HCN1: variants seen among roughly 807,000 people sequenced by gnomAD.
HCN1 encodes hyperpolarization activated cyclic nucleotide gated potassium channel 1.
In HCN1, 13 loss-of-function variants were observed where a neutral mutation model predicts 78.9. That is an observed-to-expected ratio of 0.16 (90% CI 0.11 to 0.26). HCN1 has a LOEUF of 0.26. Among genes scored for constraint, HCN1 ranks in the 10% least tolerant of loss-of-function variants. The probability of loss-of-function intolerance (pLI) is 1.00; values close to 1 mark genes in which losing one functional copy is unlikely to be tolerated. For missense variants in HCN1, 810 were observed against 1,154.3 expected (o/e 0.70, Z 4.32); for synonymous variants, 552 against 455.5 (o/e 1.21, Z -2.70).
At chr5:45,285,337 G>T (rs1422728384) in intron 6 of HCN1, among the ~76,000 whole-genome samples, 1 of 151,804 alleles carries the variant, frequency 6.6e-6, no homozygotes, top group African/African-American at 2.4e-5. Context: ...TTTCTAAAAT[G>T]TTATTCTCTG....
chr5:45,376,150 TAA>T (rs1747650191), intron 4 of HCN1, among the ~76,000 whole-genome samples: 1 of 103,184 alleles, frequency 9.7e-6, no homozygotes, highest in South Asian at 2.9e-4. Flanking sequence ...ATATTATATA[TAA>T]TATAATATTT....
intron 5 of HCN1, among the ~76,000 whole-genome samples, chr5:45,307,355 G>A (rs1196401258): frequency 6.6e-6 from 1 of 152,120 alleles, no homozygotes; most frequent in Non-Finnish European, 1.5e-5. Context: ...TGAGCATTGA[G>A]CATGGGGACT....
chr5:45,573,436 T>C lies in HCN1; in HGVS notation c.849+71749A>G, dbSNP rs73103056. Among the ~76,000 whole-genome samples, 1,293 of 151,908 alleles carry C rather than the reference T, an allele frequency of 8.5e-3. 23 individuals are homozygous for C. Among genetic ancestry groups the C allele is most frequent in the African/African-American group, 0.031 (1,266 of 41,402 alleles). On this transcript the variant is annotated intron_variant, in intron 2 of 7. Transcript: ENST00000303230. ...TACAGCTGTGAATTCACTTCATTTATTTATTTTCCTGAGGAGGGTTTTCCA... is the reference window on the plus strand; with the variant it reads ...TACAGCTGTGAATTCACTTCATTTACTTATTTTCCTGAGGAGGGTTTTCCA...
intron 2 of HCN1, among the ~76,000 whole-genome samples, chr5:45,553,292 T>C (rs1743407096): frequency 6.6e-6 from 1 of 151,806 alleles, no homozygotes; most frequent in South Asian, 2.1e-4. Context: ...TACCGTCCCC[T>C]AGATTGGCTA....
At chr5:45,273,030 G>C (rs555604004) in intron 6 of HCN1, among the ~76,000 whole-genome samples, 22 of 152,120 alleles carry the variant, frequency 1.4e-4, no homozygotes, top group Non-Finnish European at 2.9e-5. Context: ...TGTAATAACT[G>C]TTTTAAGAAT....
chr5:45,505,373 G>T (rs1056461999), intron 2 of HCN1, among the ~76,000 whole-genome samples: 7 of 152,082 alleles, frequency 4.6e-5, no homozygotes, highest in Non-Finnish European at 8.8e-5. Flanking sequence ...TTTCCCCATT[G>T]CTTGTTTTTC....
chr5:45,569,387 G>A (rs1318879576), intron 2 of HCN1, among the ~76,000 whole-genome samples: 1 of 152,072 alleles, frequency 6.6e-6, no homozygotes, highest in Non-Finnish European at 1.5e-5. Context: ...TTTTACCCAT[G>A]TAGAAAGATT....
At chr5:45,328,559 A>T (rs956214237) in intron 5 of HCN1, among the ~76,000 whole-genome samples, 2 of 151,610 alleles carry the variant, frequency 1.3e-5, no homozygotes, top group African/African-American at 2.4e-5. Flanking sequence ...ATACAGCAAC[A>T]GTTTACCTGA....
chr5:45,509,338 A>G (rs1742364233), intron 2 of HCN1, among the ~76,000 whole-genome samples: 1 of 152,100 alleles, frequency 6.6e-6, no homozygotes, highest in African/African-American at 2.4e-5. Context: ...AGTAGATGAT[A>G]TGTCTTTATA....
intron 3 of HCN1, among the ~76,000 whole-genome samples, chr5:45,425,119 T>A (rs1468713613): frequency 6.6e-6 from 1 of 152,198 alleles, no homozygotes; most frequent in East Asian, 1.9e-4. Flanking sequence ...TGGTTTGTAC[T>A]TTTTCTTGCC....
At chr5:45,609,575 A>G (rs1744792592) in intron 2 of HCN1, among the ~76,000 whole-genome samples, 1 of 152,072 alleles carries the variant, frequency 6.6e-6, no homozygotes, top group Admixed American at 6.6e-5. Flanking sequence ...TGACCATAAA[A>G]CCTTAAAAAG....
At chr5:45,373,174 AAT>A (rs1430754052) in intron 4 of HCN1, among the ~76,000 whole-genome samples, 1 of 124,192 alleles carries the variant, frequency 8.1e-6, no homozygotes, top group African/African-American at 3.1e-5. Context: ...TACTTTATAA[AAT>A]ATATGAAATA....
At chr5:45,347,840 A>T (rs1561117553) in intron 5 of HCN1, among the ~76,000 whole-genome samples, 3 of 152,200 alleles carry the variant, frequency 2.0e-5, no homozygotes. Context: ...AAACAAACAA[A>T]GCCTCCAAGA....
intron 2 of HCN1, among the ~76,000 whole-genome samples, chr5:45,597,537 C>T (rs1744526401): frequency 6.6e-6 from 1 of 152,194 alleles, no homozygotes; most frequent in Non-Finnish European, 1.5e-5. Context: ...CTCACCACTC[C>T]TGTTCAACAC....
At chr5:45,381,073 T>G (rs933271240) in intron 4 of HCN1, among the ~76,000 whole-genome samples, 4 of 152,156 alleles carry the variant, frequency 2.6e-5, no homozygotes, top group African/African-American at 9.6e-5. Flanking sequence ...AGATTTCCTG[T>G]TCAATTTCTT....
intron 5 of HCN1, among the ~76,000 whole-genome samples, chr5:45,304,329 G>A (rs1309843641): frequency 2.0e-5 from 3 of 151,052 alleles, no homozygotes; most frequent in African/African-American, 7.3e-5. Context: ...ATTCACATTA[G>A]AGTGAGGACA....
In HCN1 at chr5:45,555,407, T is replaced by TA. The variant is rs928864179; in HGVS notation, c.849+89777dup. 2.0e-5 allele frequency among the ~76,000 whole-genome samples: 3 copies of TA among 151,608 alleles called. 1 individual carries two copies. The highest frequency in any genetic ancestry group is 1.3e-4 in the Admixed American group (2 of 15,160). On this transcript the variant is annotated intron_variant, in intron 2 of 7. Transcript: ENST00000303230. The stretch of plus-strand genomic sequence containing the variant: ...AGAAATTGAAGAGGACACCAAAAAA[T>TA]AAAAATATATTCTATGGTCATGGAT...
chr5:45,511,716 G>C (rs1742420390), intron 2 of HCN1, among the ~76,000 whole-genome samples: 1 of 151,926 alleles, frequency 6.6e-6, no homozygotes, highest in South Asian at 2.1e-4. Flanking sequence ...GAGACATGAG[G>C]ACTTAATGTA....
At chr5:45,541,727 G>A (rs930559635) in intron 2 of HCN1, among the ~76,000 whole-genome samples, 2 of 152,116 alleles carry the variant, frequency 1.3e-5, no homozygotes, top group African/African-American at 4.8e-5. Context: ...GCTTACTGAT[G>A]TATCTTTTCT....
Sources: gnomAD v4.1 joint callset for allele counts (sites outside exome capture counted in the v4.1 genomes callset) on GRCh38, gnomAD v4.1.1 for gene constraint, MANE v1.5 for transcripts, NCBI Gene and HGNC (gene_info 2026-07-23, HGNC 2026-07-21) for gene names.